The following DLGAP2 variants were observed in gnomAD, a reference collection of about 807,000 sequenced individuals.
DLGAP2 encodes disks large-associated protein 2.
DLGAP2 carries 26 observed loss-of-function variants against 100.3 expected under a neutral mutation model. The observed-to-expected ratio is 0.26, with a 90% confidence interval of 0.19 to 0.36. DLGAP2 has a LOEUF of 0.36. Ranked by LOEUF, DLGAP2 falls within the 10% of genes least tolerant of loss-of-function variation. DLGAP2 has a pLI of 1.00. For synonymous variants in DLGAP2, 886 were observed against 630.1 expected (o/e 1.41, Z -6.08); for missense variants, 1,858 against 1,453.2 (o/e 1.28, Z -4.53).
intron 2 of DLGAP2, among the ~76,000 whole-genome samples, chr8:1,172,617 A>G (rs1029659501): frequency 1.3e-5 from 2 of 151,648 alleles, no homozygotes; most frequent in Non-Finnish European, 2.9e-5. Flanking sequence ...TTCCCTTCTC[A>G]CTTCATTTCA....
At chr8:1,678,168 T>G (rs1798853112) in intron 11 of DLGAP2, 46 bp from the exon 12 acceptor site, 17 of 1,557,024 alleles carry the variant, frequency 1.1e-5, no homozygotes, top group Non-Finnish European at 1.5e-5. Flanking sequence ...TTGCATGAAG[T>G]CCTCTCAGAA....
intron 4 of DLGAP2, among the ~76,000 whole-genome samples, chr8:1,514,215 C>T (rs1276524562): frequency 6.6e-6 from 1 of 152,216 alleles, no homozygotes; most frequent in Non-Finnish European, 1.5e-5. Context: ...GATATGTTTT[C>T]TCTCCAGTAC....
At chr8:1,325,259 A>C (rs1179187155) in intron 3 of DLGAP2, among the ~76,000 whole-genome samples, 2 of 152,188 alleles carry the variant, frequency 1.3e-5, no homozygotes, top group Non-Finnish European at 2.9e-5. Context: ...CAAGAGTGAG[A>C]TGTCCGATGG....
intron 2 of DLGAP2, among the ~76,000 whole-genome samples, chr8:933,136 C>T (rs943551249): frequency 7.9e-5 from 12 of 152,262 alleles, no homozygotes; most frequent in Non-Finnish European, 1.5e-4. Context: ...CTGTCTGTTC[C>T]CTTCAGAGAA....
intron 2 of DLGAP2, among the ~76,000 whole-genome samples, chr8:1,110,004 GAC>G (rs1195376009): frequency 8.0e-6 from 1 of 125,490 alleles, no homozygotes; most frequent in African/African-American, 3.3e-5. Context: ...ATGGGTCTGT[GAC>G]ATGTGCTGGG....
At chr8:1,307,451 A>G (rs921711329) in intron 3 of DLGAP2, among the ~76,000 whole-genome samples, 1 of 152,312 alleles carries the variant, frequency 6.6e-6, no homozygotes, top group East Asian at 1.9e-4. Flanking sequence ...CATCATGGAA[A>G]ATGATATGGT....
At chr8:1,511,215 G>A (rs1011549789) in intron 4 of DLGAP2, among the ~76,000 whole-genome samples, 6 of 151,458 alleles carry the variant, frequency 4.0e-5, no homozygotes, top group African/African-American at 1.2e-4. Flanking sequence ...GCTGTCTAGT[G>A]TAAGACAGTC....
intron 2 of DLGAP2, among the ~76,000 whole-genome samples, chr8:916,490 C>T (rs1400047028): frequency 6.6e-6 from 1 of 152,072 alleles, no homozygotes; most frequent in East Asian, 1.9e-4. Flanking sequence ...AACAGTTGGA[C>T]ACAGGAAGGG....
At chr8:1,522,128 G>A (rs1800625528) in intron 4 of DLGAP2, among the ~76,000 whole-genome samples, 1 of 152,120 alleles carries the variant, frequency 6.6e-6, no homozygotes, top group Non-Finnish European at 1.5e-5. Context: ...TGGAATCCTC[G>A]GGTGGCACGT....
intron 3 of DLGAP2, among the ~76,000 whole-genome samples, chr8:1,392,230 G>A (rs1446842203): frequency 6.6e-6 from 1 of 152,198 alleles, no homozygotes; most frequent in Non-Finnish European, 1.5e-5. Flanking sequence ...CGGCCTTGAA[G>A]TGGACGTGAG....
At chr8:1,410,768 C>T (rs1796706316) in intron 3 of DLGAP2, among the ~76,000 whole-genome samples, 1 of 151,826 alleles carries the variant, frequency 6.6e-6, no homozygotes, top group African/African-American at 2.4e-5. Flanking sequence ...TTTTCTTGTT[C>T]AGGAATTTTC....
intron 1 of DLGAP2, among the ~76,000 whole-genome samples, chr8:811,920 A>C (rs1469425255): frequency 5.9e-5 from 9 of 152,254 alleles, no homozygotes; most frequent in Admixed American, 5.9e-4. Flanking sequence ...CTTTACTGTT[A>C]GGCAAGCGTG....
At chr8:1,293,779 C>G (rs6558438) in intron 3 of DLGAP2, among the ~76,000 whole-genome samples, 3 of 152,078 alleles carry the variant, frequency 2.0e-5, no homozygotes, top group Non-Finnish European at 4.4e-5. Context: ...CCCAGAGTCT[C>G]CTTCTTCACT....
At chr8:1,485,883 G>T (rs1270947232) in intron 3 of DLGAP2, among the ~76,000 whole-genome samples, 1 of 152,164 alleles carries the variant, frequency 6.6e-6, no homozygotes, top group South Asian at 2.1e-4. Flanking sequence ...AATTAGCTGG[G>T]TGTGGTGGTT....
intron 3 of DLGAP2, among the ~76,000 whole-genome samples, chr8:1,323,684 C>G (rs888771802): frequency 5.9e-5 from 9 of 152,214 alleles, no homozygotes; most frequent in Admixed American, 1.3e-4. Flanking sequence ...GCACCCTATT[C>G]TAGAACAATC....
chr8:802,444 C>T (rs1796189057), intron 1 of DLGAP2, among the ~76,000 whole-genome samples: 1 of 152,218 alleles, frequency 6.6e-6, no homozygotes, highest in African/African-American at 2.4e-5. Context: ...CTGGGGTGGC[C>T]TCAGCGGGTC....
At chr8:1,391,645 G>T (rs1796358784) in intron 3 of DLGAP2, among the ~76,000 whole-genome samples, 1 of 152,216 alleles carries the variant, frequency 6.6e-6, no homozygotes, top group Admixed American at 6.5e-5. Context: ...CTCTAGAAGA[G>T]GAGATGGGTT....
At chr8:1,450,758 A>G (rs1013328607) in intron 3 of DLGAP2, among the ~76,000 whole-genome samples, 4 of 152,114 alleles carry the variant, frequency 2.6e-5, no homozygotes, top group African/African-American at 7.2e-5. Flanking sequence ...CAGCATGGCT[A>G]TGTCTCTGCG....
chr8:834,669 T>C (rs1796839977), intron 1 of DLGAP2, among the ~76,000 whole-genome samples: 1 of 152,178 alleles, frequency 6.6e-6, no homozygotes, highest in Admixed American at 6.5e-5. Context: ...ACCTCCTCCT[T>C]GTTGTTAGGG....
Sources: gnomAD v4.1 joint callset for allele counts (sites outside exome capture counted in the v4.1 genomes callset) on GRCh38, gnomAD v4.1.1 for gene constraint, MANE v1.5 for transcripts, NCBI Gene and HGNC (gene_info 2026-07-23, HGNC 2026-07-21) for gene names.